MTX2: variants seen among roughly 807,000 people sequenced by gnomAD.
MTX2 encodes metaxin 2.
Under a neutral mutation model 42.3 loss-of-function variants are expected in MTX2, and 35 were observed. That is an observed-to-expected ratio of 0.83 (90% CI 0.63 to 1.10). MTX2 has a LOEUF of 1.10. Ranked by LOEUF, MTX2 falls within the 50% of genes least tolerant of loss-of-function variation. The probability of loss-of-function intolerance (pLI) is 0.00; values close to 1 mark genes in which losing one functional copy is unlikely to be tolerated. For missense variants in MTX2, 307 were observed against 304.1 expected (o/e 1.01, Z -0.07); for synonymous variants, 119 against 100.9 (o/e 1.18, Z -1.08).
intron 1 of MTX2, among the ~76,000 whole-genome samples, chr2:176,289,602 T>C (rs1314483849): frequency 1.3e-5 from 2 of 152,122 alleles, no homozygotes; most frequent in Non-Finnish European, 1.5e-5. Flanking sequence ...TTTATAAAAA[T>C]GATAAAAATT....
At chr2:176,332,933 TGGAAAATGTTA>T (rs1245068387) in intron 9 of MTX2, among the ~76,000 whole-genome samples, 1 of 151,306 alleles carries the variant, frequency 6.6e-6, no homozygotes, top group Admixed American at 6.6e-5. Context: ...AAATCTTAAA[TGGAAAATGTTA>T]GGAAAATGTT....
At chr2:176,335,087 A>T (rs2105450341) in intron 9 of MTX2, among the ~76,000 whole-genome samples, 1 of 152,178 alleles carries the variant, frequency 6.6e-6, no homozygotes, top group South Asian at 2.1e-4. Flanking sequence ...ATGTAGAATT[A>T]AAAAAGGACC....
intron 3 of MTX2, among the ~76,000 whole-genome samples, chr2:176,305,741 A>G (rs952693122): frequency 6.6e-6 from 1 of 152,110 alleles, no homozygotes; most frequent in African/African-American, 2.4e-5. Context: ...AATTGACTCA[A>G]ATATTCCAGG....
At chr2:176,281,656 G>A (rs1177987014) in intron 1 of MTX2, among the ~76,000 whole-genome samples, 1 of 152,136 alleles carries the variant, frequency 6.6e-6, no homozygotes, top group Non-Finnish European at 1.5e-5. Context: ...TGTTGTGGAC[G>A]TATTTAAGAC....
intron 1 of MTX2, among the ~76,000 whole-genome samples, chr2:176,280,427 G>A (rs1011473358): frequency 2.6e-5 from 4 of 152,292 alleles, no homozygotes; most frequent in Non-Finnish European, 4.4e-5. Flanking sequence ...TAACTGGCAA[G>A]TTACTTTTGC....
chr2:176,309,720 C>CTTTTTTTT (rs745705028), intron 3 of MTX2, among the ~76,000 whole-genome samples: 1 of 98,552 alleles, frequency 1.0e-5, no homozygotes, highest in Non-Finnish European at 2.0e-5. Flanking sequence ...GCAACCTCTG[C>CTTTTTTTT]TTTTTTTTTT....
intron 1 of MTX2, among the ~76,000 whole-genome samples, chr2:176,276,248 A>T (rs1692942889): frequency 6.6e-6 from 1 of 152,188 alleles, no homozygotes; most frequent in South Asian, 2.1e-4. Flanking sequence ...TTATTTCAAG[A>T]TATATACATT....
intron 3 of MTX2, among the ~76,000 whole-genome samples, chr2:176,305,850 AAATT>A (rs1414519489): frequency 6.6e-6 from 1 of 152,092 alleles, no homozygotes; most frequent in African/African-American, 2.4e-5. Context: ...TTTTGGTAAT[AAATT>A]CACTCTCTTT....
At chr2:176,312,863 C>CAAA (rs557475003) in intron 3 of MTX2, among the ~76,000 whole-genome samples, 27 of 55,932 alleles carry the variant, frequency 4.8e-4, no homozygotes, top group African/African-American at 6.6e-4. Context: ...AATGCCATCT[C>CAAA]AAAAAAAAAA....
intron 9 of MTX2, among the ~76,000 whole-genome samples, chr2:176,333,099 A>G (rs1350450449): frequency 5.9e-5 from 9 of 151,544 alleles, no homozygotes; most frequent in Non-Finnish European, 1.0e-4. Context: ...GAAGGCATCA[A>G]ATTTCTTAGG....
At chr2:176,317,046 AAAAAAC>A (rs1684461115) in intron 3 of MTX2, among the ~76,000 whole-genome samples, 1 of 151,514 alleles carries the variant, frequency 6.6e-6, no homozygotes, top group Non-Finnish European at 1.5e-5. Flanking sequence ...TTTAAAAAAA[AAAAAAC>A]AAAAACTTTT....
At chr2:176,301,892 T>C (rs968863277) in intron 3 of MTX2, among the ~76,000 whole-genome samples, 1 of 152,146 alleles carries the variant, frequency 6.6e-6, no homozygotes, top group African/African-American at 2.4e-5. Context: ...AATGGGAAAT[T>C]CTTTTGAAAA....
Position 176,328,917 on chromosome 2 carries a change from G to A in MTX2, c.417+5G>A. On this transcript the variant is annotated splice_donor_5th_base_variant and intron_variant, in intron 7 of 9. Coordinates refer to ENST00000249442, the MANE Select transcript of MTX2 (RefSeq NM_006554.5). ...GATGAAGCTACAGTAGGGGAGGTGA[G>A]TGGTTCTGTAACATTTATCTTAATT... The A allele has an allele frequency of 6.2e-7, 1 of 1,603,418 alleles. No individual in the cohort carries two copies. Among genetic ancestry groups the A allele is most frequent in the Non-Finnish European group, 8.5e-7 (1 of 1,172,470 alleles).
rs142730892 is a variant in MTX2, at chr2:176,318,383, G to A, written c.136-5009G>A. On this transcript the variant is annotated intron_variant, in intron 3 of 9. Transcript: ENST00000249442. Reference sequence around the variant, plus strand: ...CTACATCAAGCTGATTAAATTTCAGGGTCTTAGAAATCAGGTACAGGCAAT... The same window carrying A: ...CTACATCAAGCTGATTAAATTTCAGAGTCTTAGAAATCAGGTACAGGCAAT... Among the ~76,000 whole-genome samples, 298 of 151,894 alleles carry A rather than the reference G, an allele frequency of 2.0e-3. 1 individual carries two copies. Among genetic ancestry groups the A allele is most frequent in the Non-Finnish European group, 2.3e-3 (153 of 67,954 alleles).
intron 1 of MTX2, among the ~76,000 whole-genome samples, chr2:176,282,710 G>GTT (rs768992563): frequency 5.8e-5 from 8 of 138,962 alleles, no homozygotes; most frequent in Non-Finnish European, 9.5e-5. Flanking sequence ...TTTTTTTTTT[G>GTT]TTTTTTTTTT....
intron 3 of MTX2, among the ~76,000 whole-genome samples, chr2:176,315,996 G>A (rs1176591733): frequency 6.6e-6 from 1 of 151,690 alleles, no homozygotes; most frequent in African/African-American, 2.4e-5. Flanking sequence ...CTTGTTATCT[G>A]TATCCATTGT....
chr2:176,329,668 A>G (rs1371046239), intron 8 of MTX2, among the ~76,000 whole-genome samples: 1 of 151,018 alleles, frequency 6.6e-6, no homozygotes, highest in Non-Finnish European at 1.5e-5. Context: ...CATCACCTAG[A>G]AAATACCACC....
At chr2:176,330,716 C>CT in intron 9 of MTX2, 56 bp downstream of exon 9, 4 of 1,186,934 alleles carry the variant, frequency 3.4e-6, no homozygotes, top group South Asian at 1.4e-5. Context: ...TTGCAAATTT[C>CT]TTTTTTTCAT....
intron 7 of MTX2, 22 bp downstream of exon 7, chr2:176,328,934 A>G: frequency 6.3e-7 from 1 of 1,587,632 alleles, no homozygotes. Context: ...TGTAACATTT[A>G]TCTTAATTAA....
Sources: gnomAD v4.1 joint callset for allele counts (sites outside exome capture counted in the v4.1 genomes callset) on GRCh38, gnomAD v4.1.1 for gene constraint, MANE v1.5 for transcripts, NCBI Gene and HGNC (gene_info 2026-07-23, HGNC 2026-07-21) for gene names.